Variants in CYLD observed in about 807,000 individuals in gnomAD.
CYLD encodes the protein ubiquitin carboxyl-terminal hydrolase CYLD.
CYLD carries 26 observed loss-of-function variants against 104.5 expected under a neutral mutation model. The ratio of observed to expected loss-of-function variants is 0.25; its 90% confidence interval spans 0.18 to 0.35. The LOEUF is 0.35. Ranked by LOEUF, CYLD falls within the 10% of genes least tolerant of loss-of-function variation. The probability of loss-of-function intolerance (pLI) is 1.00; values close to 1 mark genes in which losing one functional copy is unlikely to be tolerated. For synonymous variants in CYLD, 385 were observed against 399.9 expected (o/e 0.96, Z 0.45); for missense variants, 703 against 1,136.1 (o/e 0.62, Z 5.48).
At chr16:50,754,547 G>A in intron 5 of CYLD, 123 bp downstream of exon 5, 1 of 709,900 alleles carries the variant, frequency 1.4e-6, no homozygotes, top group Non-Finnish European at 2.4e-6. Flanking sequence ...TTCTTTCGTG[G>A]TGATTTCTGA....
intron 5 of CYLD, among the ~76,000 whole-genome samples, chr16:50,757,093 C>T (rs1442369033): frequency 6.6e-6 from 1 of 151,982 alleles, no homozygotes; most frequent in African/African-American, 2.4e-5. Flanking sequence ...ATTGAATAAG[C>T]AAACTGAATT....
At chr16:50,766,006 A>G (rs752014720) in intron 5 of CYLD, among the ~76,000 whole-genome samples, 114 of 152,364 alleles carry the variant, frequency 7.5e-4, no homozygotes, top group Non-Finnish European at 1.4e-3. Context: ...TTATCAGAAG[A>G]TCTAGCTAAG....
intron 14 of CYLD, among the ~76,000 whole-genome samples, chr16:50,789,553 C>G (rs1358978304): frequency 2.0e-5 from 3 of 152,006 alleles, no homozygotes; most frequent in Admixed American, 6.5e-5. Context: ...TCTTACACCC[C>G]CTGAAGGGTA....
In CYLD at chr16:50,793,487, T is replaced by A. The variant is rs540477835; in HGVS notation, c.2351-59T>A. The A allele has an allele frequency of 7.8e-6, 9 of 1,147,454 alleles. No individual in the cohort carries two copies. In the African/African-American group the frequency reaches 1.2e-4, roughly 15 times the overall value. The allele number at this position is 1,147,454 out of a possible 1,614,324, so 71.1% of individuals were successfully genotyped here. On this transcript the variant is annotated intron_variant, in intron 16 of 18. Transcript: ENST00000427738. ...CTAACTTTTCTTTACATCTTCTTCA[T>A]GAAAGAATGCATTTTTTTTAAAGTC...
At chr16:50,755,941 A>G (rs555554520) in intron 5 of CYLD, among the ~76,000 whole-genome samples, 4 of 152,244 alleles carry the variant, frequency 2.6e-5, no homozygotes, top group South Asian at 2.1e-4. Flanking sequence ...GCTTAAGCCA[A>G]TGTCTAGAAG....
At chr16:50,742,599 C>G (rs1310171821) in intron 1 of CYLD, 163 bp from the exon 2 acceptor site, 7 of 271,474 alleles carry the variant, frequency 2.6e-5, no homozygotes, top group African/African-American at 4.4e-5. Flanking sequence ...GCTGGCGGGC[C>G]CCGACGGCCA....
At chr16:50,757,152 A>G (rs1967343256) in intron 5 of CYLD, among the ~76,000 whole-genome samples, 2 of 151,992 alleles carry the variant, frequency 1.3e-5, no homozygotes, top group African/African-American at 4.8e-5. Context: ...TGTTGTAAAA[A>G]TGAAAGGGCT....
intron 14 of CYLD, among the ~76,000 whole-genome samples, chr16:50,791,138 A>G (rs377617201): frequency 6.6e-6 from 1 of 152,174 alleles, no homozygotes; most frequent in African/African-American, 2.4e-5. Context: ...TTCGATCTAG[A>G]AGGTCTGCTA....
chr16:50,768,352 A>G (rs1253663581), intron 5 of CYLD, among the ~76,000 whole-genome samples: 2 of 151,928 alleles, frequency 1.3e-5, no homozygotes, highest in Admixed American at 6.6e-5. Context: ...TCTTGAGGGG[A>G]AAAAAAAGTC....
At chr16:50,795,813 A>T in intron 18 of CYLD, 1 of 554,768 alleles carries the variant, frequency 1.8e-6, no homozygotes, top group East Asian at 3.0e-5. Flanking sequence ...CCTTTCCTGG[A>T]ATCTCTGAAA....
Position 50,751,736 on chromosome 16 carries a change from G to A in CYLD, c.637G>A (p.Glu213Lys), listed in dbSNP as rs1966638025. Residue 213 changes from glutamate to lysine, a missense_variant, in exon 4 of 19, where the codon GAA becomes AAA. Glu to Lys is a moderately conservative substitution (Grantham distance 56). Around this residue, in one of 5 missense-constraint regions of CYLD, gnomAD observed 123 missense variants for 213.3 expected, o/e 0.58. Coordinates refer to ENST00000427738, the MANE Select transcript of CYLD (RefSeq NM_001378743.1). ...ELIEDDDTAL[E>K]SDYAGPGDTM... ...CATAGAAGATGATGACACTGCATTG[G>A]AAAGTGATTACGCAGGTCCTGGGGA... The A allele has an allele frequency of 6.2e-6, 10 of 1,613,662 alleles. No homozygotes were observed. The highest frequency in any genetic ancestry group is 8.5e-6 in the Non-Finnish European group (10 of 1,179,846).
At chr16:50,791,750 G>C in intron 15 of CYLD, 60 bp downstream of exon 15, 1 of 1,562,242 alleles carries the variant, frequency 6.4e-7, no homozygotes, top group East Asian at 2.2e-5. Flanking sequence ...TAAGACTATT[G>C]GTAGTTTCAG....
intron 18 of CYLD, chr16:50,795,707 A>G: frequency 1.5e-6 from 1 of 666,030 alleles, no homozygotes; most frequent in Admixed American, 2.3e-5. Flanking sequence ...TCCCAGCCCC[A>G]TCTGTAGATG....
At chr16:50,793,515 CTT>C in intron 16 of CYLD, 29 bp from the exon 17 acceptor site, 1 of 1,438,344 alleles carries the variant, frequency 7.0e-7, no homozygotes. Context: ...TTAAAGTCCT[CTT>C]AACTTCCCTT....
intron 2 of CYLD, among the ~76,000 whole-genome samples, 165 bp downstream of exon 2, chr16:50,743,006 C>T (rs1298873712): frequency 6.6e-6 from 1 of 152,058 alleles, no homozygotes. Flanking sequence ...TTCTCTTCCA[C>T]CCCTTGGCAT....
intron 4 of CYLD, among the ~76,000 whole-genome samples, chr16:50,753,911 A>C (rs914626078): frequency 6.6e-6 from 1 of 152,252 alleles, no homozygotes; most frequent in East Asian, 1.9e-4. Context: ...TGAAGAACTT[A>C]GGGCTAATTA....
chr16:50,762,284 T>TA (rs1301318510), intron 5 of CYLD, among the ~76,000 whole-genome samples: 7 of 152,256 alleles, frequency 4.6e-5, no homozygotes, highest in African/African-American at 1.7e-4. Context: ...TTTCCTGTTC[T>TA]ATACTGTTTT....
In CYLD at chr16:50,794,225, C is replaced by G; in HGVS notation, c.2483C>G (p.Pro828Arg). 1 of 1,614,040 alleles carries G rather than the reference C, an allele frequency of 6.2e-7. No individual in the cohort carries two copies. Reference sequence around the variant, plus strand: ...GGTCCATTTTAGGTCCACCTTCATCCGAAGAGGCTGAATCATAAATATAAC... The same window carrying G: ...GGTCCATTTTAGGTCCACCTTCATCGGAAGAGGCTGAATCATAAATATAAC... Reference protein sequence around the residue: ...KTCNTQVHLHPKRLNHKYNPV... With the variant: ...KTCNTQVHLHRKRLNHKYNPV... The change falls in exon 18 of 19, where the codon CCG (proline) becomes CGG (arginine). Residue 828 changes from proline (P) to arginine (R), a missense_variant. Around this residue, in one of 5 missense-constraint regions of CYLD, gnomAD observed 130 missense variants for 220.2 expected, o/e 0.59. Transcript: ENST00000427738. The surrounding 1 kb of genome is among the most constrained non-coding windows in gnomAD (Gnocchi z 4.1).
At chr16:50,753,150 GGTTA>G (rs1205522256) in intron 4 of CYLD, among the ~76,000 whole-genome samples, 1 of 152,116 alleles carries the variant, frequency 6.6e-6, no homozygotes, top group Non-Finnish European at 1.5e-5. Flanking sequence ...GATACTCATT[GGTTA>G]GTTACTAAAC....
Sources: allele counts gnomAD v4.1 joint callset (sites outside exome capture counted in the v4.1 genomes callset), GRCh38; gene constraint gnomAD v4.1.1; regional missense constraint gnomAD v4.1.1; non-coding constraint Gnocchi (gnomAD v3.1); transcripts MANE v1.5; gene names NCBI Gene and HGNC (gene_info 2026-07-23, HGNC 2026-07-21).